Variants in ZNF85 observed in about 807,000 individuals in gnomAD.
The protein encoded by ZNF85 is zinc finger protein 85 (HPF4, HTF1).
ZNF85 carries 50 observed loss-of-function variants against 53.9 expected under a neutral mutation model. The ratio of observed to expected loss-of-function variants is 0.93; its 90% CI spans 0.74 to 1.17. The LOEUF (loss-of-function observed/expected upper bound fraction) is 1.17, where lower values mean the gene tolerates loss of function less well. Among genes scored for constraint, ZNF85 ranks in the 50% most tolerant of loss-of-function variants. ZNF85 has a pLI of 0.00. For missense variants in ZNF85, 747 were observed against 688.5 expected (o/e 1.08, Z -0.95); for synonymous variants, 225 against 226.1 (o/e 1.00, Z 0.04).
At chr19:20,939,852 C>A (rs1973251534) in intron 3 of ZNF85, among the ~76,000 whole-genome samples, 1 of 152,026 alleles carries the variant, frequency 6.6e-6, no homozygotes, top group African/African-American at 2.4e-5. Context: ...CATGCACCAC[C>A]ACACCCAGGT....
intron 3 of ZNF85, among the ~76,000 whole-genome samples, chr19:20,939,771 C>T (rs1460806941): frequency 6.6e-6 from 1 of 152,092 alleles, no homozygotes; most frequent in Non-Finnish European, 1.5e-5. Context: ...AATCTCAGCT[C>T]ACCGCAACCT....
chr19:20,933,944 C>T, intron 1 of ZNF85, 80 bp from the exon 2 acceptor site: 2 of 1,373,894 alleles, frequency 1.5e-6, no homozygotes, highest in Admixed American at 2.5e-5. Context: ...CTTTTCATAA[C>T]CAGTTGGTAA....
At chr19:20,937,106 C>A (rs1973176679) in intron 3 of ZNF85, 6 of 258,620 alleles carry the variant, frequency 2.3e-5, no homozygotes, top group South Asian at 2.2e-4. Flanking sequence ...GATCTCGGCT[C>A]ACTGCAACCT....
Position 20,950,448 on chromosome 19 carries a change from C to T in ZNF85, c.*146C>T. The T allele has an allele frequency of 1.7e-6, 1 of 578,746 alleles. No individual in the cohort carries two copies. Among genetic ancestry groups the T allele is most frequent in the Non-Finnish European group, 2.8e-6 (1 of 352,714 alleles). The allele number at this position is 578,746 out of a possible 1,614,324, so 35.9% of individuals were successfully genotyped here. A position where few individuals can be genotyped will look rare whatever the true frequency, so the allele number is the denominator to read the frequency against. ...AAAGTAATCATACTGGTGAGAAATT[C>T]TAAAAATGTGAAGACTATGGCAAAG... On this transcript the variant is annotated 3_prime_UTR_variant, in exon 4 of 4. Transcript: ENST00000328178.
Position 20,949,161 on chromosome 19 carries a change from C to T in ZNF85, c.647C>T (p.Thr216Ile). ...ECGKAFNWSSTLTKHKRIHTG... is the reference protein window; with the variant it reads ...ECGKAFNWSSILTKHKRIHTG... ...GGAAAAGCCTTTAACTGGTCCTCAA[C>T]CCTTACTAAACATAAGAGAATTCAT... The change falls in exon 4 of 4, where the codon ACC becomes ATC. Residue 216 changes from threonine (T) to isoleucine (I), a missense_variant. By Grantham distance (89) the Thr-to-Ile change is moderately conservative. Coordinates refer to ENST00000328178, the MANE Select transcript of ZNF85 (RefSeq NM_003429.5). 6.2e-7 allele frequency: 1 copy of T among 1,613,348 alleles called. No individual in the cohort carries two copies. Among genetic ancestry groups the T allele is most frequent in the South Asian group, 1.1e-5 (1 of 91,034 alleles).
intron 1 of ZNF85, 115 bp downstream of exon 1, chr19:20,923,518 G>C: frequency 6.4e-7 from 1 of 1,552,584 alleles, no homozygotes; most frequent in South Asian, 1.2e-5. Flanking sequence ...CTGCGCTCCA[G>C]TTCTTTTTGC....
At chr19:20,935,910 C>T (rs1973147182) in intron 3 of ZNF85, among the ~76,000 whole-genome samples, 1 of 152,054 alleles carries the variant, frequency 6.6e-6, no homozygotes, top group South Asian at 2.1e-4. Context: ...TAATATGACA[C>T]TTTAACAATA....
chr19:20,939,925 G>A (rs561078976), intron 3 of ZNF85, among the ~76,000 whole-genome samples: 5 of 150,474 alleles, frequency 3.3e-5, no homozygotes, highest in African/African-American at 4.9e-5. Flanking sequence ...TCGAACTCCC[G>A]ACCTCAGGTG....
intron 3 of ZNF85, among the ~76,000 whole-genome samples, chr19:20,938,781 T>A (rs1973219508): frequency 6.6e-6 from 1 of 152,160 alleles, no homozygotes. Context: ...AGCCTAAATC[T>A]AAATAATAGC....
At chr19:20,931,982 G>A (rs115711948) in intron 1 of ZNF85, among the ~76,000 whole-genome samples, 1,537 of 152,264 alleles carry the variant, frequency 0.01, 22 homozygotes, top group African/African-American at 0.036. Flanking sequence ...AACAGGAAAA[G>A]TGAAACATAT....
rs905722145 is a variant in ZNF85 at position 20,950,669 on chromosome 19, A to G, written c.*367A>G. On this transcript the variant is annotated 3_prime_UTR_variant, in exon 4 of 4. Coordinates refer to ENST00000328178, the MANE Select transcript of ZNF85 (RefSeq NM_003429.5). ...GCTCACATCTTACTCAGCATCAGAA[A>G]GTACTTAATAAAAGCATTATAAATG... The G allele has an allele frequency of 1.2e-5, 2 of 168,886 alleles. No homozygotes were observed. Among genetic ancestry groups the G allele is most frequent in the Admixed American group, 6.2e-5 (1 of 16,058 alleles). 10.5% of individuals were successfully genotyped at this position (168,886 alleles called of 1,614,324 possible). A position where few individuals can be genotyped will look rare whatever the true frequency, so the allele number is the denominator to read the frequency against.
At chr19:20,937,078 G>A in intron 3 of ZNF85, 1 of 235,644 alleles carries the variant, frequency 4.2e-6, no homozygotes, top group Non-Finnish European at 8.7e-6. Context: ...CTGTCATCAG[G>A]CTGGAGTGCA....
At chr19:20,948,253 T>TGTA (rs1410468767) in intron 3 of ZNF85, among the ~76,000 whole-genome samples, 2 of 152,148 alleles carry the variant, frequency 1.3e-5, no homozygotes, top group African/African-American at 4.8e-5. Flanking sequence ...TCTTTGCTGC[T>TGTA]GTAGCATTTA....
Position 20,950,470 on chromosome 19 carries a change from A to G in ZNF85, c.*168A>G, listed in dbSNP as rs1973557303. On this transcript the variant is annotated 3_prime_UTR_variant, in exon 4 of 4. Transcript: ENST00000328178. ...ATTCTAAAAATGTGAAGACTATGGC[A>G]AAGTCTTTAAATGGTTGTCACACTT... 1 of 508,246 alleles carries G rather than the reference A, an allele frequency of 2.0e-6. No homozygotes were observed. The highest frequency in any genetic ancestry group is 3.3e-6 in the Non-Finnish European group (1 of 299,482). The allele number at this position is 508,246 out of a possible 1,614,324, so 31.5% of individuals were successfully genotyped here. A position where few individuals can be genotyped will look rare whatever the true frequency, so the allele number is the denominator to read the frequency against.
Position 20,935,061 on chromosome 19 carries a change from A to G in ZNF85, c.229+14A>G. 6.3e-7 allele frequency: 1 copy of G among 1,582,104 alleles called. No individual in the cohort carries two copies. Among genetic ancestry groups the G allele is most frequent in the Middle Eastern group, 1.7e-4 (1 of 5,972 alleles). On this transcript the variant is annotated intron_variant, in intron 3 of 3. Coordinates refer to ENST00000328178, the MANE Select transcript of ZNF85 (RefSeq NM_003429.5). The stretch of plus-strand genomic sequence containing the variant: ...CCAAACCCACAGGTAGGTGAAAGTG[A>G]AAATGAATACAGCAGATGACACATG...
chr19:20,935,799 C>T (rs112049959), intron 3 of ZNF85, among the ~76,000 whole-genome samples: 1,803 of 152,106 alleles, frequency 0.012, 32 homozygotes, highest in African/African-American at 0.034. Context: ...ATCCATGTGC[C>T]TTGGCCTCCC....
chr19:20,933,578 T>A (rs1973078487), intron 1 of ZNF85, among the ~76,000 whole-genome samples: 1 of 152,188 alleles, frequency 6.6e-6, no homozygotes, highest in East Asian at 1.9e-4. Flanking sequence ...GAAAAAATAA[T>A]CTGCATTAAC....
At chr19:20,923,456 G>C in intron 1 of ZNF85, 53 bp downstream of exon 1, 1 of 1,612,704 alleles carries the variant, frequency 6.2e-7, no homozygotes, top group Non-Finnish European at 8.5e-7. Context: ...GTTGAAACCG[G>C]TGGGAAGCGG....
chr19:20,943,613 T>C (rs1973353008), intron 3 of ZNF85: 1 of 152,212 alleles, frequency 6.6e-6, no homozygotes, highest in Non-Finnish European at 1.5e-5. Flanking sequence ...AAATAATATA[T>C]TCTGTAACGT....
Sources: allele counts gnomAD v4.1 joint callset (sites outside exome capture counted in the v4.1 genomes callset), GRCh38; gene constraint gnomAD v4.1.1; transcripts MANE v1.5; gene names NCBI Gene and HGNC (gene_info 2026-07-23, HGNC 2026-07-21).